Variants in PRR16 observed in about 807,000 individuals in gnomAD.
PRR16 encodes the protein protein Largen.
In PRR16, 6 loss-of-function variants were observed where a neutral mutation model predicts 18.2. The observed-to-expected ratio is 0.33, with a 90% confidence interval of 0.18 to 0.65. PRR16 has a LOEUF of 0.65. PRR16 is among the 30% of genes least tolerant of loss of function. The pLI is 0.74. For synonymous variants in PRR16, 151 were observed against 147.8 expected (o/e 1.02, Z -0.16); for missense variants, 412 against 376.6 (o/e 1.09, Z -0.78).
chr5:120,640,223 A>G (rs2112855247), intron 1 of PRR16, among the ~76,000 whole-genome samples: 1 of 152,214 alleles, frequency 6.6e-6, no homozygotes, highest in Admixed American at 6.6e-5. Flanking sequence ...TGACAGGATC[A>G]TTCATACCTC....
chr5:120,759,229 G>T, the PRR16 span, among the ~76,000 whole-genome samples: 1 of 151,912 alleles, frequency 6.6e-6, no homozygotes, highest in Non-Finnish European at 1.5e-5. Context: ...GCCCGCTTCG[G>T]CCTCCCAAAG....
chr5:120,662,086 G>A (rs559860365), intron 1 of PRR16, among the ~76,000 whole-genome samples: 1 of 152,034 alleles, frequency 6.6e-6, no homozygotes, highest in South Asian at 2.1e-4. Flanking sequence ...GTTCTTCACT[G>A]CTACATCCTG....
At chr5:120,599,960 C>G (rs946030053) in intron 1 of PRR16, among the ~76,000 whole-genome samples, 1 of 151,900 alleles carries the variant, frequency 6.6e-6, no homozygotes, top group Non-Finnish European at 1.5e-5. Flanking sequence ...TCAGCCTTCA[C>G]CTGTGAATGA....
intron 1 of PRR16, among the ~76,000 whole-genome samples, chr5:120,584,922 A>G (rs543847504): frequency 4.6e-5 from 7 of 152,240 alleles, no homozygotes; most frequent in African/African-American, 1.4e-4. Context: ...GATCATTTCA[A>G]TCTTCGTCAA....
chr5:120,632,012 G>A (rs987780686), intron 1 of PRR16, among the ~76,000 whole-genome samples: 1 of 152,150 alleles, frequency 6.6e-6, no homozygotes, highest in African/African-American at 2.4e-5. Flanking sequence ...ACTGGAGCAG[G>A]TGCTGGTATC....
At chr5:120,700,839 G>A in the PRR16 span, among the ~76,000 whole-genome samples, 671 of 152,212 alleles carry the variant, frequency 4.4e-3, 9 homozygotes, top group African/African-American at 0.016. Flanking sequence ...CGAGGCGATC[G>A]GGCAGTGTCA....
In PRR16 at chr5:120,563,283, A is replaced by G. The variant is rs543787945; in HGVS notation, c.159+98638A>G. The stretch of plus-strand genomic sequence containing the variant: ...TCACTCAAGGCCCTAAGGATCTACA[A>G]TCAGCAAGTGGCAATGCCAGTGACA... On this transcript the variant is annotated intron_variant, in intron 1 of 1. Coordinates refer to ENST00000407149, the MANE Select transcript of PRR16 (RefSeq NM_001300783.2). Among the ~76,000 whole-genome samples, 8 of 152,304 alleles carry G rather than the reference A, an allele frequency of 5.3e-5. No individual in the cohort carries two copies. In the South Asian group the frequency reaches 8.3e-4, roughly 16 times the overall value.
chr5:120,741,934 A>C, the PRR16 span, among the ~76,000 whole-genome samples: 1 of 152,056 alleles, frequency 6.6e-6, no homozygotes, highest in Non-Finnish European at 1.5e-5. Context: ...TAAGATTTAG[A>C]AAGTTCTATT....
intron 1 of PRR16, among the ~76,000 whole-genome samples, chr5:120,488,850 G>A (rs1403394692): frequency 5.3e-5 from 8 of 151,972 alleles, no homozygotes; most frequent in African/African-American, 1.9e-4. Flanking sequence ...GGTGTGTTGT[G>A]TCTTTGTTCT....
intron 1 of PRR16, among the ~76,000 whole-genome samples, chr5:120,523,153 T>G (rs769972800): frequency 6.6e-6 from 1 of 152,228 alleles, no homozygotes; most frequent in Non-Finnish European, 1.5e-5. Context: ...GTTGCTATCT[T>G]ATAGAGGTGG....
intron 1 of PRR16, among the ~76,000 whole-genome samples, chr5:120,592,293 T>C (rs1307938826): frequency 6.6e-6 from 1 of 152,142 alleles, no homozygotes; most frequent in African/African-American, 2.4e-5. Flanking sequence ...TACTTGTAAA[T>C]CTGAAGAATA....
intron 1 of PRR16, among the ~76,000 whole-genome samples, chr5:120,645,983 G>C (rs986347497): frequency 3.4e-5 from 5 of 147,358 alleles, no homozygotes; most frequent in African/African-American, 9.9e-5. Flanking sequence ...CTGATCAATT[G>C]ATCAATGTTC....
At chr5:120,508,192 A>C (rs564150800) in intron 1 of PRR16, among the ~76,000 whole-genome samples, 2 of 152,228 alleles carry the variant, frequency 1.3e-5, no homozygotes, top group South Asian at 4.1e-4. Context: ...AAAAATAGGA[A>C]TATCATGCAA....
the PRR16 span, among the ~76,000 whole-genome samples, chr5:120,742,211 TGTTA>T: frequency 6.6e-6 from 1 of 151,290 alleles, no homozygotes; most frequent in South Asian, 2.1e-4. Context: ...GTAATGAACA[TGTTA>T]GTTTGAATTT....
the PRR16 span, among the ~76,000 whole-genome samples, chr5:120,751,720 A>T: frequency 6.6e-6 from 1 of 150,928 alleles, no homozygotes; most frequent in African/African-American, 2.4e-5. Context: ...ACATTTTTTG[A>T]AAGAACAGGT....
At chr5:120,722,885 A>T in the PRR16 span, among the ~76,000 whole-genome samples, 1 of 151,536 alleles carries the variant, frequency 6.6e-6, no homozygotes, top group Non-Finnish European at 1.5e-5. Context: ...ACAGACAGAC[A>T]TATATATAAT....
intron 1 of PRR16, among the ~76,000 whole-genome samples, chr5:120,671,419 A>G (rs1756600244): frequency 6.6e-6 from 1 of 152,146 alleles, no homozygotes. Context: ...CAGTAGTGTT[A>G]TCAGTATCAA....
chr5:120,775,796 A>AT, the PRR16 span, among the ~76,000 whole-genome samples: 1,261 of 80,570 alleles, frequency 0.016, 15 homozygotes, highest in Non-Finnish European at 0.019. Context: ...ACGCCTGGCT[A>AT]TTTTTTTTTT....
the PRR16 span, among the ~76,000 whole-genome samples, chr5:120,785,006 A>C: frequency 1.3e-5 from 2 of 152,218 alleles, no homozygotes; most frequent in African/African-American, 4.8e-5. Context: ...AGATGAAACC[A>C]GTAACATTTT....
Sources: gnomAD v4.1 joint callset for allele counts (sites outside exome capture counted in the v4.1 genomes callset) on GRCh38, gnomAD v4.1.1 for gene constraint, MANE v1.5 for transcripts, NCBI Gene and HGNC (gene_info 2026-07-23, HGNC 2026-07-21) for gene names.